The following RAD17 variants were observed in gnomAD, a reference collection of about 807,000 sequenced individuals.
RAD17 encodes the protein RAD17 checkpoint clamp loader component.
RAD17 carries 31 observed loss-of-function variants against 81.5 expected under a neutral mutation model. The ratio of observed to expected loss-of-function variants is 0.38; its 90% confidence interval spans 0.29 to 0.51. RAD17 has a LOEUF of 0.51. Among genes scored for constraint, RAD17 ranks in the 20% least tolerant of loss-of-function variants. The probability of loss-of-function intolerance (pLI) is 0.88; values close to 1 mark genes in which losing one functional copy is unlikely to be tolerated. For synonymous variants in RAD17, 261 were observed against 266.2 expected (o/e 0.98, Z 0.19); for missense variants, 681 against 781.2 (o/e 0.87, Z 1.53).
Position 69,389,015 on chromosome 5 carries a change from T to C in RAD17, c.895-19T>C. Reference sequence around the variant, plus strand: ...TTTTAAGAAAATACTTTTTTTTAAATTTAATTTTCTTATTTTAGAATGGAG... The same window carrying C: ...TTTTAAGAAAATACTTTTTTTTAAACTTAATTTTCTTATTTTAGAATGGAG... On this transcript the variant is annotated intron_variant, in intron 11 of 18. Coordinates refer to ENST00000354868, the MANE Select transcript of RAD17 (RefSeq NM_133338.3). The C allele has an allele frequency of 7.7e-7, 1 of 1,302,432 alleles. No homozygotes were observed. The allele number at this position is 1,302,432 out of a possible 1,614,324, so 80.7% of individuals were successfully genotyped here. A position where few individuals can be genotyped will look rare whatever the true frequency, so the allele number is the denominator to read the frequency against.
In RAD17 at chr5:69,371,549, T is replaced by C; in HGVS notation, c.-184T>C. On this transcript the variant is annotated 5_prime_UTR_variant, in exon 3 of 19. Transcript: ENST00000354868. ...AACTTTTCTTAGACCAAAGGTATCT[T>C]CCACAAAGGTATGATACACTGGAAT... The C allele has an allele frequency of 6.9e-7, 1 of 1,457,480 alleles. No homozygotes were observed. The allele number at this position is 1,457,480 out of a possible 1,614,324, so 90.3% of individuals were successfully genotyped here.
At position 69,396,492 on chromosome 5, in the gene RAD17, A is replaced by G. The variant is rs757468511; in HGVS notation, c.1518A>G (p.Gly506=). ...KARGYAHCQG[G]GSSFRPLHKP... ...GAGGATATGCTCATTGCCAAGGAGGAGGATCAAGTTTTCGACCCTTGCACA... is the reference window on the plus strand; with the variant it reads ...GAGGATATGCTCATTGCCAAGGAGGGGGATCAAGTTTTCGACCCTTGCACA... The change falls in exon 16 of 19, where the codon GGA becomes GGG. Residue 506 remains glycine (G), a synonymous_variant. Coordinates refer to ENST00000354868, the MANE Select transcript of RAD17 (RefSeq NM_133338.3). 3.1e-6 allele frequency: 5 copies of G among 1,613,012 alleles called. No individual in the cohort carries two copies. Among genetic ancestry groups the G allele is most frequent in the South Asian group, 2.2e-5 (2 of 90,998 alleles).
intron 18 of RAD17, 61 bp from the exon 19 acceptor site, chr5:69,413,970 G>C (rs1766205702): frequency 3.2e-6 from 5 of 1,557,530 alleles, no homozygotes; most frequent in Non-Finnish European, 3.5e-6. Flanking sequence ...TCACACTCAT[G>C]GTGTAATTTA....
In RAD17 at chr5:69,371,488, C is replaced by A; in HGVS notation, c.-245C>A. The A allele has an allele frequency of 5.4e-6, 6 of 1,119,926 alleles. No individual in the cohort carries two copies. The highest frequency in any genetic ancestry group is 5.9e-6 in the Non-Finnish European group (5 of 851,206). The allele number at this position is 1,119,926 out of a possible 1,614,324, so 69.4% of individuals were successfully genotyped here. A position where few individuals can be genotyped will look rare whatever the true frequency, so the allele number is the denominator to read the frequency against. On this transcript the variant is annotated 5_prime_UTR_variant, in exon 3 of 19. Coordinates refer to ENST00000354868, the MANE Select transcript of RAD17 (RefSeq NM_133338.3). ...AGTTTAATGTACTGCAAGTCCTAAA[C>A]TACGGATGGGAACTATTACAGTTTA...
chr5:69,410,985 A>G (rs1200604745), intron 18 of RAD17, among the ~76,000 whole-genome samples: 2 of 144,412 alleles, frequency 1.4e-5, no homozygotes, highest in Non-Finnish European at 3.0e-5. Flanking sequence ...ATATATATAT[A>G]TATATATATA....
rs552795820 is a variant in RAD17 at position 69,412,496 on chromosome 5, T to C, written c.1752-1535T>C. ...ATAAGTCATCATGCACTTCAAATAC[T>C]ATTTACTTAGGGTGAATTCCTACAA... On this transcript the variant is annotated intron_variant, in intron 18 of 18. Transcript: ENST00000354868. Among the ~76,000 whole-genome samples, 3 of 152,302 alleles carry C rather than the reference T, an allele frequency of 2.0e-5. No homozygotes were observed. In the South Asian group the frequency reaches 6.2e-4, roughly 32 times the overall value.
rs777640917 is a variant in RAD17, at chr5:69,400,141, T to G, written c.1665T>G (p.Ala555=). The change falls in exon 17 of 19, where the codon GCT becomes GCG. Residue 555 remains alanine (A), a synonymous_variant. Transcript: ENST00000354868. ...CLQTQLLPYL[A]LLTIPMRNQA... is the part of the protein sequence containing the mutation. ...AAACTCAGCTATTGCCATACCTTGC[T>G]CTACTAACCATTCCAATGAGAAATC... 6.4e-7 allele frequency: 1 copy of G among 1,565,720 alleles called. No homozygotes were observed. The highest frequency in any genetic ancestry group is 1.8e-5 in the Admixed American group (1 of 55,154).
intron 6 of RAD17, among the ~76,000 whole-genome samples, chr5:69,377,579 ATG>A (rs1362618020): frequency 2.0e-5 from 1 of 49,968 alleles, no homozygotes; most frequent in African/African-American, 5.9e-5. Context: ...ATGCATATAT[ATG>A]TATACATATA....
chr5:69,392,095 G>C, intron 13 of RAD17, 82 bp downstream of exon 13: 2 of 1,248,880 alleles, frequency 1.6e-6, no homozygotes, highest in Non-Finnish European at 2.2e-6. Flanking sequence ...TTAAAAAAAT[G>C]TCATGTATTT....
At chr5:69,385,239 C>T (rs1271583340) in intron 8 of RAD17, among the ~76,000 whole-genome samples, 13 of 145,518 alleles carry the variant, frequency 8.9e-5, no homozygotes, top group Middle Eastern at 7.4e-3. Flanking sequence ...GGATTACAGG[C>T]GTGAGCCACC....
rs1764892521 is a variant in RAD17 at position 69,396,417 on chromosome 5, A to G, written c.1443A>G (p.Glu481=). The G allele has an allele frequency of 1.2e-6, 2 of 1,612,722 alleles. No homozygotes were observed. The highest frequency in any genetic ancestry group is 8.5e-7 in the Non-Finnish European group (1 of 1,179,198). ...GTTAGACACGCTCTTTACTCAGGGAATATAGCACATCTATAGCTACGAGAG... is the reference window on the plus strand; with the variant it reads ...GTTAGACACGCTCTTTACTCAGGGAGTATAGCACATCTATAGCTACGAGAG... The part of the protein sequence containing the change: ...GDWNTRSLLR[E]YSTSIATRGV... The change falls in exon 16 of 19, where the codon GAA becomes GAG. Residue 481 remains glutamate (E), a synonymous_variant. Transcript: ENST00000354868.
intron 18 of RAD17, among the ~76,000 whole-genome samples, chr5:69,411,145 T>C (rs966640382): frequency 6.6e-6 from 1 of 151,900 alleles, no homozygotes; most frequent in African/African-American, 2.4e-5. Context: ...GCGTGGTGGC[T>C]TATGCTTGTA....
chr5:69,401,918 G>A (rs1765293979), intron 17 of RAD17, among the ~76,000 whole-genome samples: 1 of 142,552 alleles, frequency 7.0e-6, no homozygotes, highest in Admixed American at 7.6e-5. Flanking sequence ...GCGGGAGAAT[G>A]GCATGAACCT....
At chr5:69,406,554 TGTG>T (rs1765615227) in intron 17 of RAD17, among the ~76,000 whole-genome samples, 1 of 152,184 alleles carries the variant, frequency 6.6e-6, no homozygotes, top group South Asian at 2.1e-4. Context: ...CAAGCTGGAT[TGTG>T]GTGGTATGAT....
intron 11 of RAD17, 136 bp from the exon 12 acceptor site, chr5:69,388,898 G>A (rs188569419): frequency 1.9e-5 from 9 of 479,426 alleles, no homozygotes; most frequent in Middle Eastern, 5.7e-4. Context: ...ATGTGCCACC[G>A]TGCCCAGCCC....
intron 16 of RAD17, among the ~76,000 whole-genome samples, 182 bp downstream of exon 16, chr5:69,396,728 CTT>C (rs1275264606): frequency 6.6e-6 from 1 of 152,076 alleles, no homozygotes; most frequent in Admixed American, 6.6e-5. Context: ...AAAGGTGACT[CTT>C]AAATGCTTGT....
At chr5:69,399,165 G>A (rs1765093632) in intron 16 of RAD17, among the ~76,000 whole-genome samples, 1 of 152,112 alleles carries the variant, frequency 6.6e-6, no homozygotes, top group African/African-American at 2.4e-5. Context: ...TGAATTGGGA[G>A]GATTGCATAA....
Position 69,388,022 on chromosome 5 carries a change from TA to T in RAD17, c.895-1005del, listed in dbSNP as rs536668841. Among the ~76,000 whole-genome samples, 154 of 152,196 alleles carry T rather than the reference TA, an allele frequency of 1.0e-3. 1 individual carries two copies. The highest frequency in any genetic ancestry group is 3.6e-3 in the African/African-American group (151 of 41,532). On this transcript the variant is annotated intron_variant, in intron 11 of 18. Transcript: ENST00000354868. Reference sequence around the variant, plus strand: ...CATGGACAGAGCTAAACCCTGTCTCTAAAAAAACATCTACATTCTCTACTAT... The same window carrying T: ...CATGGACAGAGCTAAACCCTGTCTCTAAAAAACATCTACATTCTCTACTAT...
At chr5:69,412,199 G>T (rs1229488975) in intron 18 of RAD17, among the ~76,000 whole-genome samples, 1 of 151,854 alleles carries the variant, frequency 6.6e-6, no homozygotes, top group Non-Finnish European at 1.5e-5. Flanking sequence ...CTCGTGATCC[G>T]CCCACTTCGG....
Sources: gnomAD v4.1 joint callset for allele counts (sites outside exome capture counted in the v4.1 genomes callset) on GRCh38, gnomAD v4.1.1 for gene constraint, MANE v1.5 for transcripts, NCBI Gene and HGNC (gene_info 2026-07-23, HGNC 2026-07-21) for gene names.